The following ASTN2 variants were observed in gnomAD, a reference collection of about 807,000 sequenced individuals.
ASTN2 encodes astrotactin 2.
Under a neutral mutation model 139.8 loss-of-function variants are expected in ASTN2, and 54 were observed. That is an observed-to-expected ratio of 0.39 (90% CI 0.31 to 0.48). ASTN2 has a LOEUF of 0.48. Among genes scored for constraint, ASTN2 ranks in the 20% least tolerant of loss-of-function variants. The pLI is 0.95. For synonymous variants in ASTN2, 756 were observed against 719.5 expected (o/e 1.05, Z -0.81); for missense variants, 1,565 against 1,725.1 (o/e 0.91, Z 1.64).
At chr9:116,787,645 CT>C (rs1830408950) in intron 13 of ASTN2, among the ~76,000 whole-genome samples, 1 of 152,202 alleles carries the variant, frequency 6.6e-6, no homozygotes, top group Admixed American at 6.5e-5. Context: ...AAAAACCCTC[CT>C]GTCCTTTTCA....
intron 11 of ASTN2, among the ~76,000 whole-genome samples, chr9:116,850,138 T>C (rs1832555889): frequency 6.6e-6 from 1 of 152,120 alleles, no homozygotes; most frequent in South Asian, 2.1e-4. Flanking sequence ...GAATCCAGGA[T>C]CAACTGCAAC....
rs528027687 is a variant in ASTN2 at position 116,670,836 on chromosome 9, T to C, written c.2807-19043A>G. ...CTTCTCTTGGCAATAACATTATTAT[T>C]ATTATTTCTGACCTTTGACTATCCA... On this transcript the variant is annotated intron_variant, in intron 16 of 22. Coordinates refer to ENST00000313400, the MANE Select transcript of ASTN2 (RefSeq NM_001365068.1). Among the ~76,000 whole-genome samples the C allele has an allele frequency of 1.3e-3, 193 of 152,298 alleles. 2 individuals are homozygous for C. Among genetic ancestry groups the C allele is most frequent in the African/African-American group, 4.5e-3 (187 of 41,562 alleles).
In ASTN2 at chr9:116,774,191, A is replaced by G. The variant is rs532747044; in HGVS notation, c.2396+31441T>C. 2.0e-5 allele frequency among the ~76,000 whole-genome samples: 3 copies of G among 152,280 alleles called. No homozygotes were observed. In the East Asian group the frequency reaches 5.8e-4, roughly 29 times the overall value. On this transcript the variant is annotated intron_variant, in intron 13 of 22. Transcript: ENST00000313400. ...CTCTTCTAAAGACCACTGCCCCTCC[A>G]AGAAACACAGTCTGATGTACTCTCA...
At chr9:117,047,828 G>A (rs1445470960) in intron 5 of ASTN2, among the ~76,000 whole-genome samples, 1 of 151,782 alleles carries the variant, frequency 6.6e-6, no homozygotes, top group Non-Finnish European at 1.5e-5. Context: ...TCTTAGTAAA[G>A]GATGCCATAA....
At chr9:117,028,500 C>G (rs990264282) in intron 6 of ASTN2, among the ~76,000 whole-genome samples, 6 of 152,146 alleles carry the variant, frequency 3.9e-5, no homozygotes, top group Non-Finnish European at 8.8e-5. Context: ...TTCTTCCCCT[C>G]CCAGACTCCC....
intron 11 of ASTN2, among the ~76,000 whole-genome samples, chr9:116,840,261 C>T (rs1832170763): frequency 6.7e-6 from 1 of 150,214 alleles, no homozygotes; most frequent in Non-Finnish European, 1.5e-5. Flanking sequence ...AATGAAAAGT[C>T]TCCCATGTCT....
chr9:116,689,931 GAGT>G (rs1156882696), intron 16 of ASTN2, among the ~76,000 whole-genome samples: 1 of 152,164 alleles, frequency 6.6e-6, no homozygotes, highest in Non-Finnish European at 1.5e-5. Flanking sequence ...CTCTGAAGGA[GAGT>G]AACTACTGTT....
chr9:117,369,086 T>G (rs1829924777), intron 1 of ASTN2, among the ~76,000 whole-genome samples: 1 of 152,144 alleles, frequency 6.6e-6, no homozygotes, highest in African/African-American at 2.4e-5. Flanking sequence ...GATTAACAAA[T>G]TCTCTAAGTG....
At chr9:116,945,994 G>A (rs956105576) in intron 10 of ASTN2, among the ~76,000 whole-genome samples, 3 of 152,224 alleles carry the variant, frequency 2.0e-5, no homozygotes, top group African/African-American at 4.8e-5. Flanking sequence ...GTCCTCCTTC[G>A]CATGGTGGTA....
At chr9:117,167,160 T>G (rs755042397) in intron 3 of ASTN2, among the ~76,000 whole-genome samples, 3 of 152,076 alleles carry the variant, frequency 2.0e-5, no homozygotes, top group Non-Finnish European at 4.4e-5. Context: ...TCAAAATACT[T>G]CGAGCGAAAC....
intron 13 of ASTN2, among the ~76,000 whole-genome samples, chr9:116,776,913 CAA>C (rs1456581758): frequency 1.3e-5 from 2 of 152,154 alleles, no homozygotes; most frequent in Non-Finnish European, 2.9e-5. Flanking sequence ...TCATGCAGAA[CAA>C]ATCATTCTAG....
At chr9:116,513,424 G>A (rs1420568224) in intron 19 of ASTN2, among the ~76,000 whole-genome samples, 1 of 152,152 alleles carries the variant, frequency 6.6e-6, no homozygotes, top group Non-Finnish European at 1.5e-5. Flanking sequence ...CTCTCTGACT[G>A]CCCTTAACAT....
intron 14 of ASTN2, 101 bp downstream of exon 14, chr9:116,733,298 A>G: frequency 6.7e-7 from 1 of 1,487,672 alleles, no homozygotes; most frequent in Non-Finnish European, 9.2e-7. Flanking sequence ...AGGAGGCTTG[A>G]CAGAGCCCAT....
At chr9:117,260,117 G>A (rs1291735755) in intron 2 of ASTN2, among the ~76,000 whole-genome samples, 1 of 152,048 alleles carries the variant, frequency 6.6e-6, no homozygotes, top group Non-Finnish European at 1.5e-5. Context: ...TGGGGAGAGG[G>A]GATCAGGTAC....
At chr9:116,604,509 C>G (rs1564147070) in intron 19 of ASTN2, among the ~76,000 whole-genome samples, 1 of 152,190 alleles carries the variant, frequency 6.6e-6, no homozygotes, top group Non-Finnish European at 1.5e-5. Flanking sequence ...GACATCACCT[C>G]TCTCAGGCTG....
chr9:116,620,345 A>C lies in ASTN2; in HGVS notation c.3171T>G (p.Asn1057Lys). 6.2e-7 allele frequency: 1 copy of C among 1,614,148 alleles called. No homozygotes were observed. The highest frequency in any genetic ancestry group is 2.2e-5 in the East Asian group (1 of 44,880). Residue 1057 changes from asparagine (N) to lysine (K), a missense_variant, in exon 18 of 23, where the codon AAT becomes AAG. Physicochemically the swap from Asn to Lys is moderately conservative, Grantham distance 94. Around this residue, in one of 4 missense-constraint regions of ASTN2, gnomAD observed 418 missense variants for 465.8 expected, o/e 0.90. Coordinates refer to ENST00000313400, the MANE Select transcript of ASTN2 (RefSeq NM_001365068.1). Reference protein sequence around the residue: ...CRCDLSAFDANGLPNCSPLLQ... With the variant: ...CRCDLSAFDAKGLPNCSPLLQ... Reference sequence around the variant, plus strand: ...GAAGGGGGCTGCAGTTGGGGAGCCCATTGGCATCAAAGGCGCTGAGGTCAC... The same window carrying C: ...GAAGGGGGCTGCAGTTGGGGAGCCCCTTGGCATCAAAGGCGCTGAGGTCAC...
intron 3 of ASTN2, among the ~76,000 whole-genome samples, chr9:117,160,769 A>G (rs1830532546): frequency 6.6e-6 from 1 of 152,064 alleles, no homozygotes; most frequent in African/African-American, 2.4e-5. Flanking sequence ...AATATCCTGT[A>G]TATGTAACAC....
At chr9:116,885,974 C>A (rs895838887) in intron 10 of ASTN2, among the ~76,000 whole-genome samples, 1 of 152,184 alleles carries the variant, frequency 6.6e-6, no homozygotes, top group African/African-American at 2.4e-5. Context: ...AAAAAATAGT[C>A]TTTTCTTTAT....
At chr9:116,977,905 T>C (rs1836397239) in intron 7 of ASTN2, among the ~76,000 whole-genome samples, 2 of 151,820 alleles carry the variant, frequency 1.3e-5, no homozygotes, top group Non-Finnish European at 2.9e-5. Flanking sequence ...TTGATAGAGA[T>C]GGGGTTTTGT....
Sources: gnomAD v4.1 joint callset for allele counts (sites outside exome capture counted in the v4.1 genomes callset) on GRCh38, gnomAD v4.1.1 for gene constraint, gnomAD v4.1.1 regional missense constraint, MANE v1.5 for transcripts, NCBI Gene and HGNC (gene_info 2026-07-23, HGNC 2026-07-21) for gene names.